FBXL17: variants seen among roughly 807,000 people sequenced by gnomAD.
FBXL17 encodes the protein F-box/LRR-repeat protein 17.
A neutral mutation model predicts 66.2 loss-of-function variants in FBXL17; 22 were observed. The observed-to-expected ratio is 0.33, with a 90% CI of 0.24 to 0.47. FBXL17 has a LOEUF of 0.47. Among genes scored for constraint, FBXL17 ranks in the 20% least tolerant of loss-of-function variants. The pLI is 1.00. For synonymous variants in FBXL17, 474 were observed against 400.5 expected (o/e 1.18, Z -2.19); for missense variants, 878 against 948.2 (o/e 0.93, Z 0.97).
intron 7 of FBXL17, among the ~76,000 whole-genome samples, chr5:107,976,108 C>T (rs1314654113): frequency 1.3e-5 from 2 of 152,182 alleles, no homozygotes; most frequent in African/African-American, 4.8e-5. Flanking sequence ...CTGCCTGCCT[C>T]TGCCTCCCAA....
intron 6 of FBXL17, among the ~76,000 whole-genome samples, chr5:108,106,440 T>A (rs958066924): frequency 7.2e-5 from 11 of 152,252 alleles, no homozygotes; most frequent in African/African-American, 2.6e-4. Context: ...TGGAAACATA[T>A]GTCCACACCA....
chr5:107,887,822 TA>T (rs1409378701), intron 7 of FBXL17, among the ~76,000 whole-genome samples: 1 of 152,152 alleles, frequency 6.6e-6, no homozygotes, highest in Non-Finnish European at 1.5e-5. Context: ...GGAGAAGCTA[TA>T]AAAGTTTCTG....
At chr5:108,365,119 A>G in intron 2 of FBXL17, 124 bp from the exon 3 acceptor site, 1 of 649,260 alleles carries the variant, frequency 1.5e-6, no homozygotes, top group South Asian at 2.3e-5. Context: ...CGATATAATC[A>G]AAAGAGAAAC....
intron 5 of FBXL17, among the ~76,000 whole-genome samples, chr5:108,217,000 T>G (rs1351159520): frequency 1.3e-5 from 2 of 152,170 alleles, no homozygotes; most frequent in Non-Finnish European, 2.9e-5. Flanking sequence ...CACAGTGGGC[T>G]CCGGTGGGTT....
chr5:107,942,230 G>A (rs1053222074), intron 7 of FBXL17, among the ~76,000 whole-genome samples: 12 of 152,100 alleles, frequency 7.9e-5, no homozygotes, highest in African/African-American at 2.7e-4. Flanking sequence ...TCCTCAGCTC[G>A]TGCAAGGCTC....
chr5:108,201,660 C>T (rs2922409), intron 5 of FBXL17, among the ~76,000 whole-genome samples: 56,517 of 151,408 alleles, frequency 0.37, 10,935 homozygotes, highest in African/African-American at 0.48. Context: ...TAAATTAAAT[C>T]ATTAATTTAT....
rs1417171764 is a variant in FBXL17, at chr5:108,160,075, A to T, written c.1745+26042T>A. Among the ~76,000 whole-genome samples, 3 of 152,284 alleles carry T rather than the reference A, an allele frequency of 2.0e-5. No homozygotes were observed. The East Asian group carries it at 5.8e-4, about 29-fold the overall frequency. On this transcript the variant is annotated intron_variant, in intron 6 of 8. Transcript: ENST00000542267. ...TATTTTGCTTTGTCAAATACCTAAA[A>T]ATAAAAGGGCTAACCAGTGATTTGG...
At chr5:108,053,850 T>C (rs755739512) in intron 6 of FBXL17, among the ~76,000 whole-genome samples, 1 of 152,102 alleles carries the variant, frequency 6.6e-6, no homozygotes, top group African/African-American at 2.4e-5. Context: ...ACCAAAGTCA[T>C]AGAACCAACC....
Position 108,009,280 on chromosome 5 carries a change from T to TAG in FBXL17, c.1822+11644_1822+11645insCT, listed in dbSNP as rs1317627226. Among the ~76,000 whole-genome samples, 28 of 22,710 alleles carry TAG rather than the reference T, an allele frequency of 1.2e-3. 3 individuals are homozygous for TAG. Among genetic ancestry groups the TAG allele is most frequent in the African/African-American group, 4.1e-3 (26 of 6,358 alleles). 14.9% of individuals were successfully genotyped at this position (22,710 alleles called of 152,430 possible). A position where few individuals can be genotyped will look rare whatever the true frequency, so the allele number is the denominator to read the frequency against. Reference sequence around the variant, plus strand: ...CCTGTTTTATATATATATATATATATATATATATATATATATATATACATA... The same window carrying TAG: ...CCTGTTTTATATATATATATATATATAGATATATATATATATATATATACATA... On this transcript the variant is annotated intron_variant, in intron 7 of 8. Coordinates refer to ENST00000542267, the MANE Select transcript of FBXL17 (RefSeq NM_001163315.3).
At chr5:107,959,998 C>G (rs1376483558) in intron 7 of FBXL17, among the ~76,000 whole-genome samples, 3 of 152,158 alleles carry the variant, frequency 2.0e-5, no homozygotes, top group African/African-American at 7.2e-5. Context: ...ACACAGAAGT[C>G]CCAGGGCCTT....
intron 7 of FBXL17, among the ~76,000 whole-genome samples, chr5:107,970,333 GA>G (rs923178989): frequency 5.3e-5 from 8 of 151,694 alleles, no homozygotes; most frequent in African/African-American, 1.9e-4. Flanking sequence ...TGAATTAGAT[GA>G]AAAAAAATGA....
At chr5:108,139,026 T>C (rs561164881) in intron 6 of FBXL17, among the ~76,000 whole-genome samples, 7 of 152,378 alleles carry the variant, frequency 4.6e-5, no homozygotes, top group African/African-American at 1.7e-4. Context: ...CTTGTATTCA[T>C]ATGTGGCCAA....
intron 5 of FBXL17, among the ~76,000 whole-genome samples, chr5:108,213,184 C>T (rs1327495147): frequency 6.6e-6 from 1 of 152,084 alleles, no homozygotes; most frequent in Non-Finnish European, 1.5e-5. Flanking sequence ...TGCTGCTGTG[C>T]TGACAGTGAG....
intron 6 of FBXL17, among the ~76,000 whole-genome samples, chr5:108,073,739 C>A (rs915036284): frequency 7.9e-5 from 12 of 152,096 alleles, no homozygotes; most frequent in Non-Finnish European, 1.6e-4. Flanking sequence ...AGAGTTCACA[C>A]AAGATCTATT....
At chr5:108,146,306 CAA>C (rs112908152) in intron 6 of FBXL17, among the ~76,000 whole-genome samples, 5 of 135,498 alleles carry the variant, frequency 3.7e-5, no homozygotes, top group African/African-American at 5.4e-5. Flanking sequence ...CACTTTGGTA[CAA>C]AAAAAAAAAA....
chr5:107,974,613 T>C (rs1247439981), intron 7 of FBXL17, among the ~76,000 whole-genome samples: 3 of 152,144 alleles, frequency 2.0e-5, no homozygotes, highest in Non-Finnish European at 4.4e-5. Context: ...GTTCGGTTAA[T>C]CAACAATATT....
At chr5:108,085,872 C>T (rs1424847027) in intron 6 of FBXL17, among the ~76,000 whole-genome samples, 3 of 152,066 alleles carry the variant, frequency 2.0e-5, no homozygotes, top group African/African-American at 4.8e-5. Context: ...TGCAGTGATC[C>T]GAGATTATGG....
chr5:108,347,491 A>G (rs1202244018), intron 4 of FBXL17, among the ~76,000 whole-genome samples: 1 of 152,208 alleles, frequency 6.6e-6, no homozygotes, highest in Non-Finnish European at 1.5e-5. Context: ...ATGCTTTGGA[A>G]TATTATTCAG....
At chr5:108,292,161 G>A (rs1474571215) in intron 4 of FBXL17, among the ~76,000 whole-genome samples, 1 of 142,982 alleles carries the variant, frequency 7.0e-6, no homozygotes, top group Non-Finnish European at 1.5e-5. Flanking sequence ...CGCTTTTGTT[G>A]CCCAGGCTGG....
Sources: gnomAD v4.1 joint callset for allele counts (sites outside exome capture counted in the v4.1 genomes callset) on GRCh38, gnomAD v4.1.1 for gene constraint, MANE v1.5 for transcripts, NCBI Gene and HGNC (gene_info 2026-07-23, HGNC 2026-07-21) for gene names.